The following SLC28A1 variants were observed in gnomAD, a reference collection of about 807,000 sequenced individuals.
The protein encoded by SLC28A1 is sodium/nucleoside cotransporter 1.
SLC28A1 carries 64 observed loss-of-function variants against 74.8 expected under a neutral mutation model. That is an observed-to-expected ratio of 0.86 (90% CI 0.70 to 1.05). The LOEUF (loss-of-function observed/expected upper bound fraction) is 1.05. SLC28A1 is among the 50% of genes least tolerant of loss of function. SLC28A1 has a pLI of 0.00. For missense variants in SLC28A1, 828 were observed against 822.8 expected, an observed-to-expected ratio of 1.01 and a Z score of -0.08; for synonymous variants, 359 against 335.0, an observed-to-expected ratio of 1.07 and a Z score of -0.78.
At chr15:84,951,839 T>G in the SLC28A1 span, among the ~76,000 whole-genome samples, 6 of 151,944 alleles carry the variant, frequency 3.9e-5, no homozygotes, top group Non-Finnish European at 7.4e-5. Flanking sequence ...GAGAGACTCC[T>G]GATACATATC....
intron 12 of SLC28A1, among the ~76,000 whole-genome samples, chr15:84,925,407 C>T (rs1449817613): frequency 1.3e-5 from 2 of 151,734 alleles, no homozygotes; most frequent in African/African-American, 2.4e-5. Context: ...GAGAGCAGCC[C>T]GGCCAACATG....
intron 11 of SLC28A1, among the ~76,000 whole-genome samples, chr15:84,922,267 C>T (rs1235590758): frequency 1.3e-5 from 2 of 152,184 alleles, no homozygotes; most frequent in Non-Finnish European, 2.9e-5. Context: ...TCAACTGGCC[C>T]CTTGACCGTC....
chr15:84,967,709 G>A, the SLC28A1 span, among the ~76,000 whole-genome samples: 4 of 152,194 alleles, frequency 2.6e-5, no homozygotes, highest in African/African-American at 9.7e-5. Context: ...CATCACCTTG[G>A]AAAGGGAACC....
At chr15:84,935,951 GT>G (rs1262653065) in intron 15 of SLC28A1, among the ~76,000 whole-genome samples, 6 of 38,770 alleles carry the variant, frequency 1.5e-4, no homozygotes, top group South Asian at 1.6e-3. Context: ...TTTGGTTTTT[GT>G]TTTTTTTTTT....
intron 6 of SLC28A1, chr15:84,895,931 A>T: frequency 1.0e-6 from 1 of 992,794 alleles, no homozygotes; most frequent in South Asian, 4.5e-5. Context: ...CACATACCAC[A>T]GCAAAATGAT....
the SLC28A1 span, among the ~76,000 whole-genome samples, chr15:84,972,740 T>G: frequency 6.6e-6 from 1 of 152,234 alleles, no homozygotes; most frequent in Non-Finnish European, 1.5e-5. Flanking sequence ...GGAGCTACAT[T>G]GGTAGCTATG....
chr15:84,935,660 C>T (rs527742285), intron 15 of SLC28A1, 142 bp downstream of exon 15: 8 of 712,984 alleles, frequency 1.1e-5, no homozygotes, highest in Middle Eastern at 3.7e-4. Context: ...TCCTGTAGTC[C>T]TGGGAGACAG....
At chr15:84,954,372 A>G in the SLC28A1 span, among the ~76,000 whole-genome samples, 1 of 152,240 alleles carries the variant, frequency 6.6e-6, no homozygotes, top group Non-Finnish European at 1.5e-5. Flanking sequence ...ATTTATCTAT[A>G]AAGATTTCAA....
chr15:84,887,306 C>T (rs1964709091), intron 2 of SLC28A1: 1 of 974,684 alleles, frequency 1.0e-6, no homozygotes, highest in Non-Finnish European at 1.2e-6. Flanking sequence ...TAATTCTTTA[C>T]TTTCCTTCCC....
rs150471536 is a variant in SLC28A1, at chr15:84,935,198, C to T, written c.1383+4C>T. On this transcript the variant is annotated splice_donor_region_variant and intron_variant, in intron 14 of 18. Transcript: ENST00000394573. ...CATCCAAGGGCTCAGCTTCCAGGTG[C>T]GTTTCTGGCCACCACACTCAGTCTG... 2.0e-3 allele frequency: 3,189 copies of T among 1,613,836 alleles called. 8 individuals carry two copies. Among genetic ancestry groups the T allele is most frequent in the Middle Eastern group, 4.3e-3 (26 of 6,062 alleles).
downstream of SLC28A1, among the ~76,000 whole-genome samples, chr15:84,950,440 T>C (rs1238544243): frequency 6.6e-6 from 1 of 150,676 alleles, no homozygotes; most frequent in African/African-American, 2.5e-5. Flanking sequence ...ACTACATTTC[T>C]CAGCTAGGCG....
At chr15:84,968,354 G>T in the SLC28A1 span, among the ~76,000 whole-genome samples, 15 of 152,210 alleles carry the variant, frequency 9.9e-5, 1 homozygote, top group Admixed American at 9.8e-4. Context: ...TCACGCTGCA[G>T]TCATCTGAAG....
At chr15:84,934,102 C>T (rs1027343021) in intron 13 of SLC28A1, among the ~76,000 whole-genome samples, 4 of 152,244 alleles carry the variant, frequency 2.6e-5, no homozygotes, top group African/African-American at 9.6e-5. Flanking sequence ...CTCTTAAAGG[C>T]CCCACCTGTC....
chr15:84,960,510 G>A, the SLC28A1 span, among the ~76,000 whole-genome samples: 1 of 151,794 alleles, frequency 6.6e-6, no homozygotes, highest in South Asian at 2.1e-4. Context: ...CACCTGACTC[G>A]GCCGGCCAAA....
rs887316033 is a variant in SLC28A1, at chr15:84,887,444, G to A, written c.-16-301G>A. ...CACGCCTGTAATCCCAACACTTTGG[G>A]AGGCTGAGGTGGGAGGACTGCTTGA... On this transcript the variant is annotated intron_variant, in intron 2 of 18. Coordinates refer to ENST00000394573, the MANE Select transcript of SLC28A1 (RefSeq NM_004213.5). 3 of 981,440 alleles carry A rather than the reference G, an allele frequency of 3.1e-6. No homozygotes were observed. In the African/African-American group the frequency reaches 5.2e-5, roughly 17 times the overall value. 60.8% of individuals were successfully genotyped at this position (981,440 alleles called of 1,614,324 possible). A position where few individuals can be genotyped will look rare whatever the true frequency, so the allele number is the denominator to read the frequency against.
At chr15:84,954,742 G>A in the SLC28A1 span, among the ~76,000 whole-genome samples, 1 of 152,194 alleles carries the variant, frequency 6.6e-6, no homozygotes, top group South Asian at 2.1e-4. Context: ...TATATGATAT[G>A]TGTAAAATAC....
intron 7 of SLC28A1, among the ~76,000 whole-genome samples, chr15:84,905,106 C>T (rs940182944): frequency 6.6e-6 from 1 of 152,066 alleles, no homozygotes; most frequent in Non-Finnish European, 1.5e-5. Flanking sequence ...GAGTCGGGGT[C>T]GAGGCGGCTG....
chr15:84,946,277 G>GT (rs1384113327), downstream of SLC28A1, among the ~76,000 whole-genome samples: 1 of 150,920 alleles, frequency 6.6e-6, no homozygotes, highest in Non-Finnish European at 1.5e-5. Context: ...TTTGATGGAA[G>GT]TGTCTCAGTT....
At chr15:84,894,249 G>C (rs766719170) in intron 5 of SLC28A1, among the ~76,000 whole-genome samples, 1 of 151,892 alleles carries the variant, frequency 6.6e-6, no homozygotes, top group Non-Finnish European at 1.5e-5. Flanking sequence ...GTGGGCAACT[G>C]TAATCCCAGC....
Sources: allele counts gnomAD v4.1 joint callset (sites outside exome capture counted in the v4.1 genomes callset), GRCh38; gene constraint gnomAD v4.1.1; transcripts MANE v1.5; gene names NCBI Gene and HGNC (gene_info 2026-07-23, HGNC 2026-07-21).